Variants in EIF2AK4 observed in about 807,000 individuals in gnomAD.
EIF2AK4 encodes the protein eukaryotic translation initiation factor 2 alpha kinase 4, also known as eIF-2-alpha kinase GCN2.
In EIF2AK4, 139 loss-of-function variants were observed where a neutral mutation model predicts 211.1. The observed-to-expected ratio is 0.66, with a 90% CI of 0.57 to 0.76. EIF2AK4 has a LOEUF of 0.76. Ranked by LOEUF, EIF2AK4 falls within the 30% of genes least tolerant of loss-of-function variation. The probability of loss-of-function intolerance (pLI) is 0.00; values close to 1 mark genes in which losing one functional copy is unlikely to be tolerated. For synonymous variants in EIF2AK4, 710 were observed against 751.3 expected, an observed-to-expected ratio of 0.94 and a Z score of 0.90; for missense variants, 1,664 against 2,043.8, an observed-to-expected ratio of 0.81 and a Z score of 3.58.
intron 27 of EIF2AK4, among the ~76,000 whole-genome samples, chr15:40,013,458 A>C (rs891421952): frequency 6.6e-6 from 1 of 152,206 alleles, no homozygotes; most frequent in Non-Finnish European, 1.5e-5. Flanking sequence ...ATGGATTCAC[A>C]GTTCCACATG....
In EIF2AK4 at chr15:40,029,331, G is replaced by A. The variant is rs3736289; in HGVS notation, c.4503-75G>A. The A allele has an allele frequency of 1.5e-3, 2,378 of 1,577,710 alleles. 17 individuals are homozygous for A. In the Admixed American group the frequency reaches 0.018, roughly 12 times the overall value. Reference sequence around the variant, plus strand: ...AATGGAAAAGTGGCTCACTATACATGTAGTTCACTGTAAGTTATGTGTTGC... The same window carrying A: ...AATGGAAAAGTGGCTCACTATACATATAGTTCACTGTAAGTTATGTGTTGC... On this transcript the variant is annotated intron_variant, in intron 33 of 38. Transcript: ENST00000263791.
intron 35 of EIF2AK4, among the ~76,000 whole-genome samples, chr15:40,031,792 A>G (rs2035547481): frequency 1.3e-5 from 2 of 151,642 alleles, no homozygotes; most frequent in African/African-American, 4.8e-5. Flanking sequence ...GTGGTGCAAC[A>G]TCAGCTCACC....
chr15:39,981,193 A>G (rs1341540621), intron 13 of EIF2AK4, among the ~76,000 whole-genome samples: 2 of 152,132 alleles, frequency 1.3e-5, no homozygotes, highest in Non-Finnish European at 2.9e-5. Flanking sequence ...AACATGGTGA[A>G]ACCCCATCTC....
chr15:39,941,778 G>A (rs969049077), intron 2 of EIF2AK4, among the ~76,000 whole-genome samples: 2 of 152,036 alleles, frequency 1.3e-5, no homozygotes, highest in African/African-American at 2.4e-5. Flanking sequence ...TAGATGTCGG[G>A]AGTACATTTC....
intron 21 of EIF2AK4, among the ~76,000 whole-genome samples, chr15:40,001,487 G>A (rs1417826848): frequency 3.3e-5 from 5 of 151,970 alleles, no homozygotes; most frequent in East Asian, 1.9e-4. Flanking sequence ...AAAATTAGCC[G>A]TGCGTGGTGG....
chr15:40,029,349 T>A, intron 33 of EIF2AK4, 57 bp from the exon 34 acceptor site: 1 of 1,602,150 alleles, frequency 6.2e-7, no homozygotes, highest in Non-Finnish European at 8.5e-7. Flanking sequence ...CTGTAAGTTA[T>A]GTGTTGCTTG....
chr15:40,003,978 CAGAAG>C (rs956063822), intron 23 of EIF2AK4, among the ~76,000 whole-genome samples: 1 of 152,216 alleles, frequency 6.6e-6, no homozygotes, highest in Admixed American at 6.5e-5. Context: ...AGGCAGCTCT[CAGAAG>C]AGAATATGTG....
intron 31 of EIF2AK4, 98 bp downstream of exon 31, chr15:40,021,125 T>C (rs1191080998): frequency 7.4e-7 from 1 of 1,348,968 alleles, no homozygotes; most frequent in African/African-American, 1.5e-5. Context: ...TCTGTTTATC[T>C]CTGTAATTCG....
intron 18 of EIF2AK4, among the ~76,000 whole-genome samples, chr15:39,994,253 G>T (rs968957913): frequency 6.6e-6 from 1 of 152,204 alleles, no homozygotes; most frequent in African/African-American, 2.4e-5. Context: ...ACACAGATAG[G>T]ATTTAAAGCT....
At chr15:39,986,049 A>G (rs1328183032) in intron 14 of EIF2AK4, among the ~76,000 whole-genome samples, 161 bp downstream of exon 14, 2 of 152,090 alleles carry the variant, frequency 1.3e-5, no homozygotes, top group Non-Finnish European at 2.9e-5. Context: ...CCTTTTCCCC[A>G]GCCTTGAACT....
chr15:39,952,957 C>T (rs1213806418), intron 4 of EIF2AK4, among the ~76,000 whole-genome samples: 1 of 152,286 alleles, frequency 6.6e-6, no homozygotes, highest in South Asian at 2.1e-4. Context: ...AAGCAATTCT[C>T]CTGCCTCAGC....
At chr15:39,958,062 T>C (rs1309791286) in intron 6 of EIF2AK4, among the ~76,000 whole-genome samples, 1 of 152,250 alleles carries the variant, frequency 6.6e-6, no homozygotes, top group Non-Finnish European at 1.5e-5. Flanking sequence ...ATTCACTTTT[T>C]AGAATATTAA....
In EIF2AK4 at chr15:39,999,327, A is replaced by C. The variant is rs1167838734; in HGVS notation, c.2922+543A>C. 2.0e-5 allele frequency among the ~76,000 whole-genome samples: 3 copies of C among 152,264 alleles called. No individual in the cohort carries two copies. The East Asian group carries it at 5.8e-4, about 29-fold the overall frequency. ...TATTGGCATCCAGCAAATATTAAAA[A>C]AAATATTATTGGTGAATGTGTGTAT... On this transcript the variant is annotated intron_variant, in intron 20 of 38. Transcript: ENST00000263791.
chr15:40,030,518 C>G (rs2035527606), intron 35 of EIF2AK4, 62 bp downstream of exon 35: 1 of 1,444,818 alleles, frequency 6.9e-7, no homozygotes, highest in South Asian at 1.3e-5. Flanking sequence ...AAAACAACAA[C>G]AGGAAAGGAA....
intron 27 of EIF2AK4, among the ~76,000 whole-genome samples, chr15:40,015,689 T>A (rs559376950): frequency 6.6e-6 from 1 of 152,352 alleles, no homozygotes; most frequent in Admixed American, 6.5e-5. Flanking sequence ...TATGATTAAC[T>A]CTAAGATTAA....
At chr15:40,034,491 G>C (rs201397643) in intron 38 of EIF2AK4, 47 bp downstream of exon 38, 2 of 1,442,724 alleles carry the variant, frequency 1.4e-6, no homozygotes, top group Non-Finnish European at 1.9e-6. Flanking sequence ...TTAAAATTCA[G>C]GGCGGGGGGT....
At chr15:39,993,100 CCAT>C (rs1566997405) in intron 18 of EIF2AK4, among the ~76,000 whole-genome samples, 1 of 146,856 alleles carries the variant, frequency 6.8e-6, no homozygotes, top group Non-Finnish European at 1.5e-5. Context: ...ATCCATCCAT[CCAT>C]CCACCCACCC....
chr15:40,032,656 C>G, intron 36 of EIF2AK4, 101 bp from the exon 37 acceptor site: 1 of 1,066,238 alleles, frequency 9.4e-7, no homozygotes, highest in Non-Finnish European at 1.4e-6. Context: ...GCATCTCAGA[C>G]TCTGCAAACC....
intron 7 of EIF2AK4, among the ~76,000 whole-genome samples, chr15:39,963,714 G>C (rs1054764330): frequency 6.6e-6 from 1 of 152,174 alleles, no homozygotes; most frequent in Non-Finnish European, 1.5e-5. Context: ...TAGGGTTTCA[G>C]TTAGAGTTCT....
Sources: allele counts gnomAD v4.1 joint callset (sites outside exome capture counted in the v4.1 genomes callset), GRCh38; gene constraint gnomAD v4.1.1; transcripts MANE v1.5; gene names NCBI Gene and HGNC (gene_info 2026-07-23, HGNC 2026-07-21).